ZNF385D: variants seen among roughly 807,000 people sequenced by gnomAD.
ZNF385D encodes zinc finger protein 385D, also known as zinc finger protein 659.
In ZNF385D, 15 loss-of-function variants were observed where a neutral mutation model predicts 35.8. The ratio of observed to expected loss-of-function variants is 0.42; its 90% CI spans 0.28 to 0.64. ZNF385D has a LOEUF of 0.64. ZNF385D is among the 30% of genes least tolerant of loss of function. The probability of loss-of-function intolerance (pLI) is 0.23; values close to 1 mark genes in which losing one functional copy is unlikely to be tolerated. For missense variants in ZNF385D, 474 were observed against 494.6 expected, an observed-to-expected ratio of 0.96 and a Z score of 0.39; for synonymous variants, 212 against 186.8, an observed-to-expected ratio of 1.13 and a Z score of -1.10.
intron 5 of ZNF385D, among the ~76,000 whole-genome samples, chr3:21,432,682 G>C (rs1701350836): frequency 6.6e-6 from 1 of 151,634 alleles, no homozygotes; most frequent in Admixed American, 6.6e-5. Flanking sequence ...CAAGGGAAGG[G>C]CTTCCAAATC....
At chr3:22,320,477 T>A (rs574052684) in intron 2 of ZNF385D, among the ~76,000 whole-genome samples, 223 of 152,056 alleles carry the variant, frequency 1.5e-3, no homozygotes, top group African/African-American at 4.8e-3. Context: ...CCCGGATAGT[T>A]CTGAAGGTGG....
intron 3 of ZNF385D, among the ~76,000 whole-genome samples, chr3:22,010,031 TG>T (rs1222440583): frequency 1.3e-5 from 2 of 152,138 alleles, no homozygotes; most frequent in Non-Finnish European, 2.9e-5. Flanking sequence ...CAGTCACTTC[TG>T]AACTGTTATC....
intron 3 of ZNF385D, among the ~76,000 whole-genome samples, chr3:22,090,624 T>G (rs574080628): frequency 6.6e-6 from 1 of 152,268 alleles, no homozygotes; most frequent in South Asian, 2.1e-4. Context: ...TTGCACAATA[T>G]TTACTTTGTG....
At chr3:22,008,591 C>A (rs896349241) in intron 3 of ZNF385D, among the ~76,000 whole-genome samples, 1 of 152,064 alleles carries the variant, frequency 6.6e-6, no homozygotes, top group Non-Finnish European at 1.5e-5. Context: ...CTCCTGACCT[C>A]GTGATCCGCC....
At chr3:22,170,776 T>A (rs1483702310) in intron 2 of ZNF385D, among the ~76,000 whole-genome samples, 1 of 152,176 alleles carries the variant, frequency 6.6e-6, no homozygotes, top group Non-Finnish European at 1.5e-5. Context: ...TCAAAACTTC[T>A]TTTGTCTAGA....
At chr3:21,919,877 C>T (rs189417354) in intron 3 of ZNF385D, among the ~76,000 whole-genome samples, 1 of 152,292 alleles carries the variant, frequency 6.6e-6, no homozygotes, top group East Asian at 1.9e-4. Context: ...CTCTGAATAA[C>T]TTTTCCAAAG....
At chr3:21,915,433 T>C (rs1700148164) in intron 3 of ZNF385D, among the ~76,000 whole-genome samples, 1 of 152,182 alleles carries the variant, frequency 6.6e-6, no homozygotes. Flanking sequence ...AGTACTATCA[T>C]GCCTCTTTTT....
At chr3:22,240,006 G>A (rs1168671834) in intron 2 of ZNF385D, among the ~76,000 whole-genome samples, 4 of 148,508 alleles carry the variant, frequency 2.7e-5, no homozygotes, top group Admixed American at 2.0e-4. Flanking sequence ...GCAAAACCCA[G>A]TCTCTACAAA....
chr3:21,574,257 T>C (rs1390060507), intron 2 of ZNF385D, among the ~76,000 whole-genome samples: 2 of 152,100 alleles, frequency 1.3e-5, no homozygotes, highest in Admixed American at 6.5e-5. Context: ...TGTAATTGTC[T>C]TTGGTCAAGA....
intron 4 of ZNF385D, among the ~76,000 whole-genome samples, chr3:21,438,704 A>G (rs1435541864): frequency 6.6e-6 from 1 of 152,118 alleles, no homozygotes; most frequent in Non-Finnish European, 1.5e-5. Context: ...ACCTGCTAAG[A>G]TCATCAAGTA....
At chr3:21,543,008 G>C (rs1438887960) in intron 3 of ZNF385D, 1 of 152,818 alleles carries the variant, frequency 6.5e-6, no homozygotes, top group Non-Finnish European at 1.5e-5. Context: ...GAGTGAAAGG[G>C]GGACTCAAAA....
chr3:22,060,931 AAAGTT>A (rs1196506728), intron 3 of ZNF385D, among the ~76,000 whole-genome samples: 1 of 152,132 alleles, frequency 6.6e-6, no homozygotes, highest in Non-Finnish European at 1.5e-5. Context: ...AATTGATAAT[AAAGTT>A]AATTTCATAT....
intron 2 of ZNF385D, among the ~76,000 whole-genome samples, chr3:21,583,608 C>A (rs533093272): frequency 6.6e-6 from 1 of 151,968 alleles, no homozygotes. Context: ...AATCTCTAGG[C>A]GCTAAGAAAG....
At chr3:21,588,084 T>C (rs1376050274) in intron 2 of ZNF385D, among the ~76,000 whole-genome samples, 1 of 152,142 alleles carries the variant, frequency 6.6e-6, no homozygotes. Flanking sequence ...GTTCCTGGTC[T>C]CAATGAGTGT....
At chr3:22,104,833 G>A (rs1018600500) in intron 3 of ZNF385D, among the ~76,000 whole-genome samples, 2 of 152,128 alleles carry the variant, frequency 1.3e-5, no homozygotes, top group African/African-American at 2.4e-5. Flanking sequence ...AATCAAAAGA[G>A]TCTCTGAACT....
intron 2 of ZNF385D, among the ~76,000 whole-genome samples, chr3:22,227,097 A>G (rs1365450555): frequency 6.6e-6 from 1 of 151,900 alleles, no homozygotes; most frequent in Non-Finnish European, 1.5e-5. Flanking sequence ...GTGTCCAGCT[A>G]TTTGTATATA....
chr3:21,919,873 A>G (rs1700368567), intron 3 of ZNF385D, among the ~76,000 whole-genome samples: 1 of 152,200 alleles, frequency 6.6e-6, no homozygotes. Flanking sequence ...ATAACTCTGA[A>G]TAACTTTTCC....
chr3:21,918,309 G>C (rs1700292536), intron 3 of ZNF385D, among the ~76,000 whole-genome samples: 1 of 152,078 alleles, frequency 6.6e-6, no homozygotes, highest in African/African-American at 2.4e-5. Flanking sequence ...AACAATGACA[G>C]GAAACAAAAG....
At chr3:21,546,075 G>T (rs7647550) in intron 3 of ZNF385D, among the ~76,000 whole-genome samples, 53,582 of 149,048 alleles carry the variant, frequency 0.36, 9,467 homozygotes, top group East Asian at 0.41. Flanking sequence ...TTTTTTTTTT[G>T]GTAACAAAAT....
Sources: allele counts gnomAD v4.1 joint callset (sites outside exome capture counted in the v4.1 genomes callset), GRCh38; gene constraint gnomAD v4.1.1; transcripts MANE v1.5; gene names NCBI Gene and HGNC (gene_info 2026-07-23, HGNC 2026-07-21).